The following FBXO34 variants were observed in gnomAD, a reference collection of about 807,000 sequenced individuals.
FBXO34 encodes the protein F-box protein 34, also known as F-box only protein 34.
A neutral mutation model predicts 24.5 loss-of-function variants in FBXO34; 12 were observed. That is an observed-to-expected ratio of 0.49 (90% CI 0.31 to 0.79). The LOEUF is 0.79. Among genes scored for constraint, FBXO34 ranks in the 30% least tolerant of loss-of-function variants. The pLI, the probability that FBXO34 is intolerant of heterozygous loss-of-function variation, is 0.04. For synonymous variants in FBXO34, 320 were observed against 311.9 expected, an observed-to-expected ratio of 1.03 and a Z score of -0.27; for missense variants, 823 against 857.7, an observed-to-expected ratio of 0.96 and a Z score of 0.51.
At chr14:55,387,033 T>C in the FBXO34 span, among the ~76,000 whole-genome samples, 2 of 152,202 alleles carry the variant, frequency 1.3e-5, no homozygotes, top group African/African-American at 4.8e-5. Context: ...TATCTAGGCC[T>C]TTCTTTTCAT....
chr14:55,365,239 A>AC (rs1884654918), downstream of FBXO34, among the ~76,000 whole-genome samples: 3 of 150,634 alleles, frequency 2.0e-5, no homozygotes, highest in Admixed American at 2.0e-4. Flanking sequence ...AAAAAAAAAA[A>AC]AAAAAACAAA....
intron 1 of FBXO34, among the ~76,000 whole-genome samples, chr14:55,277,809 C>G (rs1291161838): frequency 6.6e-6 from 1 of 152,184 alleles, no homozygotes; most frequent in African/African-American, 2.4e-5. Flanking sequence ...TGTTGGGTTT[C>G]TGACTACTAG....
At chr14:55,380,670 C>T in the FBXO34 span, 4 of 1,607,260 alleles carry the variant, frequency 2.5e-6, no homozygotes, top group Non-Finnish European at 3.4e-6. Context: ...ATGGTGTAGG[C>T]AGGGTTACTC....
chr14:55,350,761 C>G lies in FBXO34; in HGVS notation c.371C>G (p.Ala124Gly). Residue 124 changes from alanine to glycine, a missense_variant, in exon 2 of 2, where the codon GCA becomes GGA. This residue lies in a region of FBXO34 where 693 missense variants were observed against 659.1 expected (regional missense o/e 1.05). Coordinates refer to ENST00000313833, the MANE Select transcript of FBXO34 (RefSeq NM_017943.4). ...GNTKEKIAFF[A>G]SHQCSNRIGS... ...ACCAAGGAAAAAATTGCATTCTTTG[C>G]ATCCCACCAGTGTAGTAACAGGATA... The G allele has an allele frequency of 6.2e-7, 1 of 1,608,406 alleles. No individual in the cohort carries two copies. The highest frequency in any genetic ancestry group is 8.5e-7 in the Non-Finnish European group (1 of 1,178,112).
intron 1 of FBXO34, among the ~76,000 whole-genome samples, chr14:55,317,868 C>T (rs761153580): frequency 6.6e-6 from 1 of 152,128 alleles, no homozygotes; most frequent in South Asian, 2.1e-4. Flanking sequence ...TCTGTTTTAA[C>T]CCTCTGCAAA....
At chr14:55,369,298 G>C (rs1407076945), downstream of FBXO34, 1 of 201,544 alleles carries the variant, frequency 5.0e-6, no homozygotes, top group African/African-American at 2.3e-5. Context: ...TGGGCCCGGT[G>C]GCCCGGGCCC....
At chr14:55,323,844 G>C (rs1208317238) in intron 1 of FBXO34, among the ~76,000 whole-genome samples, 1 of 152,064 alleles carries the variant, frequency 6.6e-6, no homozygotes, top group Non-Finnish European at 1.5e-5. Context: ...ATACTGTCTT[G>C]ATTACTATAG....
the FBXO34 span, among the ~76,000 whole-genome samples, chr14:55,392,093 C>A: frequency 2.0e-5 from 3 of 152,138 alleles, no homozygotes; most frequent in African/African-American, 7.2e-5. Context: ...GAATCTGTCC[C>A]ACCTCAGATC....
chr14:55,400,531 A>G, the FBXO34 span, among the ~76,000 whole-genome samples: 1 of 152,220 alleles, frequency 6.6e-6, no homozygotes, highest in South Asian at 2.1e-4. Context: ...AATTTTCACT[A>G]TGATCAGTAA....
chr14:55,397,516 C>G, the FBXO34 span: 1 of 1,086,574 alleles, frequency 9.2e-7, no homozygotes, highest in Non-Finnish European at 1.4e-6. Flanking sequence ...AAGAACCAAT[C>G]ATTCTGCAGA....
At chr14:55,387,470 A>G in the FBXO34 span, among the ~76,000 whole-genome samples, 1 of 152,112 alleles carries the variant, frequency 6.6e-6, no homozygotes, top group Non-Finnish European at 1.5e-5. Context: ...TGCTCTTCGG[A>G]ACCCTATGGT....
At chr14:55,423,948 ATACT>A in the FBXO34 span, among the ~76,000 whole-genome samples, 1 of 152,258 alleles carries the variant, frequency 6.6e-6, no homozygotes, top group African/African-American at 2.4e-5. Flanking sequence ...TAAAGATGAA[ATACT>A]TAATAAAATG....
the FBXO34 span, among the ~76,000 whole-genome samples, chr14:55,402,926 AATATATATATATAT>A: frequency 0.017 from 273 of 16,372 alleles, 5 homozygotes; most frequent in African/African-American, 0.035. Context: ...AAAAAAAAAA[AATATATATATATAT>A]ATATATATAT....
the FBXO34 span, among the ~76,000 whole-genome samples, chr14:55,388,660 G>A: frequency 3.9e-5 from 6 of 152,134 alleles, no homozygotes; most frequent in Non-Finnish European, 8.8e-5. Flanking sequence ...TATAATTTGT[G>A]CCCTTTCATG....
At chr14:55,415,745 C>A in the FBXO34 span, among the ~76,000 whole-genome samples, 66,149 of 151,764 alleles carry the variant, frequency 0.44, 15,118 homozygotes, top group African/African-American at 0.58. Flanking sequence ...GGGCGTCTGT[C>A]ATCCTAGCTA....
the FBXO34 span, among the ~76,000 whole-genome samples, chr14:55,402,926 AATATATATATATATATATATATAT>A: frequency 3.0e-3 from 50 of 16,398 alleles, no homozygotes; most frequent in Middle Eastern, 0.045. Flanking sequence ...AAAAAAAAAA[AATATATATATATATATATATATAT>A]ATATATATAT....
the FBXO34 span, among the ~76,000 whole-genome samples, chr14:55,426,690 C>G: frequency 1.3e-5 from 2 of 149,310 alleles, no homozygotes; most frequent in Non-Finnish European, 3.0e-5. Context: ...TGTGGGAATA[C>G]AAAGCAAGCT....
chr14:55,362,502 ACAAAG>A (rs1236181016), downstream of FBXO34, among the ~76,000 whole-genome samples: 1 of 152,254 alleles, frequency 6.6e-6, no homozygotes, highest in Non-Finnish European at 1.5e-5. Flanking sequence ...GAGAGGTGTG[ACAAAG>A]CAAAGCGCAA....
the FBXO34 span, chr14:55,436,926 A>C: frequency 6.2e-7 from 1 of 1,614,254 alleles, no homozygotes; most frequent in Non-Finnish European, 8.5e-7. Flanking sequence ...GGTTCGAATT[A>C]AATGCAGTAT....
Sources: allele counts gnomAD v4.1 joint callset (sites outside exome capture counted in the v4.1 genomes callset), GRCh38; gene constraint gnomAD v4.1.1; regional missense constraint gnomAD v4.1.1; transcripts MANE v1.5; gene names NCBI Gene and HGNC (gene_info 2026-07-23, HGNC 2026-07-21).